The following NSUN6 variants were observed in gnomAD, a reference collection of about 807,000 sequenced individuals.
NSUN6 encodes the protein NOP2/Sun RNA methyltransferase 6.
NSUN6 carries 64 observed loss-of-function variants against 58.0 expected under a neutral mutation model. The ratio of observed to expected loss-of-function variants is 1.10; its 90% CI spans 0.90 to 1.36. The LOEUF (loss-of-function observed/expected upper bound fraction) is 1.36, where lower values mean the gene tolerates loss of function less well. Ranked by LOEUF, NSUN6 falls within the 40% of genes most tolerant of loss-of-function variation. NSUN6 has a pLI of 0.00. For missense variants in NSUN6, 701 were observed against 550.1 expected (o/e 1.27, Z -2.74); for synonymous variants, 231 against 193.9 (o/e 1.19, Z -1.59).
chr10:18,631,619 CAG>C (rs2059033958), intron 3 of NSUN6, among the ~76,000 whole-genome samples: 1 of 141,226 alleles, frequency 7.1e-6, no homozygotes, highest in Admixed American at 7.3e-5. Flanking sequence ...AACAGACAAA[CAG>C]AGAGCCAAAT....
rs1268033793 is a variant in NSUN6, at chr10:18,651,545, T to C, written c.-342A>G. On this transcript the variant is annotated 5_prime_UTR_variant, in exon 1 of 11. Coordinates refer to ENST00000377304, the MANE Select transcript of NSUN6 (RefSeq NM_182543.5). Reference sequence around the variant, plus strand: ...CCGTGGTGAAACGGACGCAGATCAGTAAGCCAGGCTGACAGCAGCTCGGTC... The same window carrying C: ...CCGTGGTGAAACGGACGCAGATCAGCAAGCCAGGCTGACAGCAGCTCGGTC... 9.9e-7 allele frequency: 1 copy of C among 1,012,130 alleles called. No individual in the cohort carries two copies. The highest frequency in any genetic ancestry group is 1.2e-6 in the Non-Finnish European group (1 of 847,744). The allele number at this position is 1,012,130 out of a possible 1,614,324, so 62.7% of individuals were successfully genotyped here.
At chr10:18,624,571 G>A (rs773840338) in intron 3 of NSUN6, among the ~76,000 whole-genome samples, 9 of 147,052 alleles carry the variant, frequency 6.1e-5, no homozygotes, top group Non-Finnish European at 8.9e-5. Flanking sequence ...GAATGGCGTA[G>A]ACCCGGGATG....
At chr10:18,607,781 T>C (rs1205150367) in intron 6 of NSUN6, among the ~76,000 whole-genome samples, 1 of 152,222 alleles carries the variant, frequency 6.6e-6, no homozygotes, top group Non-Finnish European at 1.5e-5. Flanking sequence ...GAATGCAAAT[T>C]TTGACTCTGC....
chr10:18,607,134 C>A (rs1476283177), intron 6 of NSUN6, among the ~76,000 whole-genome samples: 2 of 152,106 alleles, frequency 1.3e-5, no homozygotes, highest in Admixed American at 1.3e-4. Flanking sequence ...TAGATGATGC[C>A]TCTCACATGA....
chr10:18,562,481 A>G (rs2055594297), intron 8 of NSUN6, among the ~76,000 whole-genome samples: 1 of 150,790 alleles, frequency 6.6e-6, no homozygotes, highest in South Asian at 2.1e-4. Flanking sequence ...AATGGAATGG[A>G]TTGTAGAATG....
At chr10:18,568,299 A>T (rs775690470) in intron 8 of NSUN6, among the ~76,000 whole-genome samples, 20 of 149,716 alleles carry the variant, frequency 1.3e-4, no homozygotes, top group Non-Finnish European at 3.0e-4. Flanking sequence ...ATTCCAGTTC[A>T]TTCTCCATTC....
chr10:18,576,786 A>C (rs1039456902), intron 8 of NSUN6, among the ~76,000 whole-genome samples: 3 of 152,182 alleles, frequency 2.0e-5, no homozygotes, highest in African/African-American at 7.2e-5. Context: ...TTGTGGTGGT[A>C]TTGTGGTAGA....
Position 18,641,003 on chromosome 10 carries a change from T to C in NSUN6, c.311+1473A>G, listed in dbSNP as rs1003372934. ...ATGTTTTTTTACATGTAAATAAATA[T>C]ACATAAATCCACAGTTGTGTACTTT... On this transcript the variant is annotated intron_variant, in intron 3 of 10. Transcript: ENST00000377304. Among the ~76,000 whole-genome samples the C allele has an allele frequency of 1.4e-4, 21 of 152,220 alleles. No individual in the cohort carries two copies. In the East Asian group the frequency reaches 1.5e-3, roughly 11 times the overall value.
chr10:18,602,446 G>C (rs2057881959), intron 6 of NSUN6, among the ~76,000 whole-genome samples: 1 of 152,112 alleles, frequency 6.6e-6, no homozygotes, highest in South Asian at 2.1e-4. Flanking sequence ...GTGTTAGCCA[G>C]GATGGTCTCG....
chr10:18,555,995 G>T (rs576971256), intron 8 of NSUN6, among the ~76,000 whole-genome samples: 1 of 150,596 alleles, frequency 6.6e-6, no homozygotes, highest in African/African-American at 2.4e-5. Flanking sequence ...ATGGATAATA[G>T]AATGGAATAT....
chr10:18,643,280 A>G (rs2059441992), intron 2 of NSUN6, among the ~76,000 whole-genome samples: 1 of 151,524 alleles, frequency 6.6e-6, no homozygotes, highest in East Asian at 2.0e-4. Flanking sequence ...TGGACACCCT[A>G]CACAGAATAA....
At chr10:18,584,483 A>G (rs899097091) in intron 8 of NSUN6, among the ~76,000 whole-genome samples, 4 of 152,200 alleles carry the variant, frequency 2.6e-5, no homozygotes, top group Non-Finnish European at 5.9e-5. Context: ...TACAATCTGA[A>G]GGTCAGAGAG....
At chr10:18,546,452 C>G (rs1008232231) in intron 10 of NSUN6, among the ~76,000 whole-genome samples, 2 of 152,208 alleles carry the variant, frequency 1.3e-5, no homozygotes, top group South Asian at 2.1e-4. Flanking sequence ...AGCTCTACCA[C>G]ATTTTAGCTG....
intron 3 of NSUN6, among the ~76,000 whole-genome samples, chr10:18,625,496 C>T (rs1415383776): frequency 3.3e-5 from 5 of 151,686 alleles, no homozygotes; most frequent in Non-Finnish European, 7.4e-5. Context: ...GTGGATCACC[C>T]GATTCAAGAG....
In NSUN6 at chr10:18,609,905, T is replaced by C. The variant is rs1209630376; in HGVS notation, c.597A>G (p.Thr199=). The change falls in exon 6 of 11, where the codon ACA becomes ACG. Residue 199 remains threonine, a synonymous_variant. Coordinates refer to ENST00000377304, the MANE Select transcript of NSUN6 (RefSeq NM_182543.5). ...ATGAAGGGCTGAGATATACTGGTTCTGTCATTCTTATGCCCATGCCTCTGA... is the reference window on the plus strand; with the variant it reads ...ATGAAGGGCTGAGATATACTGGTTCCGTCATTCTTATGCCCATGCCTCTGA... ...PELKGMGIRM[T]EPVYLSPSFD... is the part of the protein sequence containing the mutation. 4 of 1,602,096 alleles carry C rather than the reference T, an allele frequency of 2.5e-6. No individual in the cohort carries two copies. The highest frequency in any genetic ancestry group is 1.3e-5 in the African/African-American group (1 of 74,834).
At chr10:18,550,728 C>CTCT (rs1035082227) in intron 9 of NSUN6, among the ~76,000 whole-genome samples, 5 of 138,932 alleles carry the variant, frequency 3.6e-5, no homozygotes, top group Non-Finnish European at 6.2e-5. Context: ...CAAAAAATCT[C>CTCT]TTTTTTTTTT....
intron 8 of NSUN6, among the ~76,000 whole-genome samples, chr10:18,567,548 C>G (rs887048329): frequency 2.0e-5 from 3 of 151,070 alleles, no homozygotes; most frequent in Admixed American, 6.6e-5. Context: ...CCATTCCATT[C>G]TCTTCCATTC....
chr10:18,588,353 T>A (rs1383826294), intron 7 of NSUN6, among the ~76,000 whole-genome samples: 1 of 152,184 alleles, frequency 6.6e-6, no homozygotes, highest in South Asian at 2.1e-4. Flanking sequence ...GCAGACTTAA[T>A]CTTTCCAGCC....
chr10:18,614,056 T>C (rs1272299883), intron 5 of NSUN6, among the ~76,000 whole-genome samples: 1 of 152,138 alleles, frequency 6.6e-6, no homozygotes, highest in African/African-American at 2.4e-5. Context: ...TGGTAAAATT[T>C]ATTTTTAATT....
Sources: gnomAD v4.1 joint callset for allele counts (sites outside exome capture counted in the v4.1 genomes callset) on GRCh38, gnomAD v4.1.1 for gene constraint, MANE v1.5 for transcripts, NCBI Gene and HGNC (gene_info 2026-07-23, HGNC 2026-07-21) for gene names.